The following DOCK3 variants were observed in gnomAD, a reference collection of about 807,000 sequenced individuals.
DOCK3 encodes the protein dedicator of cytokinesis 3, also known as dedicator of cytokinesis protein 3.
In DOCK3, 60 loss-of-function variants were observed where a neutral mutation model predicts 265.6. The ratio of observed to expected loss-of-function variants is 0.23; its 90% confidence interval spans 0.18 to 0.28. DOCK3 has a LOEUF of 0.28. Among genes scored for constraint, DOCK3 ranks in the 10% least tolerant of loss-of-function variants. DOCK3 has a pLI of 1.00. For synonymous variants in DOCK3, 881 were observed against 938.0 expected (o/e 0.94, Z 1.11); for missense variants, 1,981 against 2,594.3 (o/e 0.76, Z 5.14).
chr3:50,913,478 C>T (rs4447760), intron 4 of DOCK3, among the ~76,000 whole-genome samples: 37,228 of 151,762 alleles, frequency 0.25, 5,831 homozygotes, highest in East Asian at 0.39. Flanking sequence ...TTAGGTGTCA[C>T]GCACCTCTCC....
Position 51,172,711 on chromosome 3 carries a change from G to T in DOCK3, c.1037+12009G>T, listed in dbSNP as rs188521999. 2.9e-3 allele frequency among the ~76,000 whole-genome samples: 444 copies of T among 152,034 alleles called. 4 individuals are homozygous for T. The highest frequency in any genetic ancestry group is 6.2e-4 in the Non-Finnish European group (42 of 67,972). Reference sequence around the variant, plus strand: ...TTTGGTAGTTTGGTAGTTTTGTCTTGTTTTTTCCTTCCTCTCTTGCTTGTC... The same window carrying T: ...TTTGGTAGTTTGGTAGTTTTGTCTTTTTTTTTCCTTCCTCTCTTGCTTGTC... On this transcript the variant is annotated intron_variant, in intron 12 of 52. Transcript: ENST00000266037.
chr3:50,846,323 A>G (rs1225595140), intron 3 of DOCK3, among the ~76,000 whole-genome samples: 1 of 152,206 alleles, frequency 6.6e-6, no homozygotes, highest in Non-Finnish European at 1.5e-5. Context: ...CAGTGAAAAA[A>G]TAGAAAGAAA....
At chr3:50,718,771 A>ATTTTT (rs373965842) in intron 1 of DOCK3, among the ~76,000 whole-genome samples, 11 of 76,960 alleles carry the variant, frequency 1.4e-4, no homozygotes, top group Non-Finnish European at 2.4e-4. Flanking sequence ...TTGTGGGTTG[A>ATTTTT]TTTTTTTTTT....
At chr3:50,827,387 CTG>C (rs374245882) in intron 2 of DOCK3, among the ~76,000 whole-genome samples, 73 of 152,204 alleles carry the variant, frequency 4.8e-4, no homozygotes, top group African/African-American at 1.7e-3. Context: ...TCATAGATGG[CTG>C]TCTTTTTGGT....
At chr3:51,152,744 A>G (rs931843947) in intron 10 of DOCK3, among the ~76,000 whole-genome samples, 3 of 152,224 alleles carry the variant, frequency 2.0e-5, no homozygotes, top group Admixed American at 6.5e-5. Flanking sequence ...TCCTTCTAAC[A>G]GTCAAGTCCC....
At chr3:51,311,119 T>C (rs2083046412) in intron 28 of DOCK3, among the ~76,000 whole-genome samples, 1 of 152,222 alleles carries the variant, frequency 6.6e-6, no homozygotes, top group African/African-American at 2.4e-5. Context: ...GACTTTTCCA[T>C]TTGAATCTTT....
At chr3:50,676,760 G>T (rs1226098877) in intron 1 of DOCK3, among the ~76,000 whole-genome samples, 1 of 152,162 alleles carries the variant, frequency 6.6e-6, no homozygotes, top group Non-Finnish European at 1.5e-5. Context: ...GGACAAAGTG[G>T]AATTCAGAGT....
chr3:50,932,977 T>C (rs140879358), intron 4 of DOCK3, among the ~76,000 whole-genome samples: 3 of 152,300 alleles, frequency 2.0e-5, no homozygotes, highest in Admixed American at 6.5e-5. Context: ...CTCACAATCA[T>C]GGCAGAAGGC....
intron 3 of DOCK3, among the ~76,000 whole-genome samples, chr3:50,856,469 G>A (rs967997847): frequency 6.7e-6 from 1 of 150,030 alleles, no homozygotes; most frequent in Non-Finnish European, 1.5e-5. Context: ...TATGTTTGTT[G>A]GCCACATGTA....
chr3:51,037,317 A>G (rs1365484241), intron 5 of DOCK3, among the ~76,000 whole-genome samples: 8 of 151,978 alleles, frequency 5.3e-5, no homozygotes, highest in African/African-American at 1.5e-4. Context: ...TTTTAATTCC[A>G]TACGTTTTTG....
At chr3:51,098,365 T>G (rs2082950126) in intron 9 of DOCK3, among the ~76,000 whole-genome samples, 1 of 152,190 alleles carries the variant, frequency 6.6e-6, no homozygotes, top group African/African-American at 2.4e-5. Flanking sequence ...CAAAGTCCCA[T>G]TCTTACTCTC....
intron 35 of DOCK3, among the ~76,000 whole-genome samples, chr3:51,335,599 A>C (rs1226478960): frequency 6.6e-6 from 1 of 152,246 alleles, no homozygotes; most frequent in African/African-American, 2.4e-5. Flanking sequence ...TGGCAGGTGC[A>C]TAGTAAATAA....
chr3:51,290,240 G>C (rs1249120620), intron 27 of DOCK3, among the ~76,000 whole-genome samples: 1 of 152,178 alleles, frequency 6.6e-6, no homozygotes, highest in Non-Finnish European at 1.5e-5. Flanking sequence ...GCACATGTAT[G>C]TTTATTGCGG....
At chr3:51,144,797 C>T (rs556708140) in intron 9 of DOCK3, among the ~76,000 whole-genome samples, 10 of 152,280 alleles carry the variant, frequency 6.6e-5, no homozygotes, top group South Asian at 2.1e-4. Context: ...AATTTGTAGA[C>T]GGACCAAATG....
intron 12 of DOCK3, among the ~76,000 whole-genome samples, chr3:51,204,319 GAAA>G (rs1231024319): frequency 0.013 from 1,788 of 142,508 alleles, 16 homozygotes; most frequent in African/African-American, 0.042. Flanking sequence ...AAATTTACAA[GAAA>G]AAAACAAACA....
intron 1 of DOCK3, among the ~76,000 whole-genome samples, chr3:50,772,512 A>G (rs1161805571): frequency 6.6e-6 from 1 of 152,206 alleles, no homozygotes; most frequent in Non-Finnish European, 1.5e-5. Context: ...TTCATGATGC[A>G]CTTATTTTCA....
At chr3:51,289,967 A>G (rs972839157) in intron 27 of DOCK3, among the ~76,000 whole-genome samples, 11 of 152,210 alleles carry the variant, frequency 7.2e-5, no homozygotes, top group African/African-American at 2.7e-4. Flanking sequence ...GAGAAATGCA[A>G]ATCAAAACCA....
At chr3:51,079,217 C>G (rs1368214817) in intron 7 of DOCK3, among the ~76,000 whole-genome samples, 1 of 152,128 alleles carries the variant, frequency 6.6e-6, no homozygotes, top group Non-Finnish European at 1.5e-5. Context: ...AGTTTGCACT[C>G]ATAGCATTTT....
chr3:51,376,452 AGT>A (rs2088140113), intron 51 of DOCK3, among the ~76,000 whole-genome samples: 1 of 152,156 alleles, frequency 6.6e-6, no homozygotes, highest in Admixed American at 6.5e-5. Context: ...CTGTTTAGAG[AGT>A]GGGCATTTTA....
Sources: gnomAD v4.1 joint callset for allele counts (sites outside exome capture counted in the v4.1 genomes callset) on GRCh38, gnomAD v4.1.1 for gene constraint, MANE v1.5 for transcripts, NCBI Gene and HGNC (gene_info 2026-07-23, HGNC 2026-07-21) for gene names.